SPAG1: variants seen among roughly 807,000 people sequenced by gnomAD.
SPAG1 encodes sperm-associated antigen 1.
SPAG1 carries 69 observed loss-of-function variants against 100.5 expected under a neutral mutation model. The observed-to-expected ratio is 0.69, with a 90% CI of 0.57 to 0.84. SPAG1 has a LOEUF of 0.84. SPAG1 is among the 40% of genes least tolerant of loss of function. The pLI is 0.00. For synonymous variants in SPAG1, 336 were observed against 411.6 expected (o/e 0.82, Z 2.22); for missense variants, 955 against 1,133.1 (o/e 0.84, Z 2.26).
At chr8:100,213,068 T>C in intron 10 of SPAG1, 22 bp from the exon 11 acceptor site, 2 of 1,430,944 alleles carry the variant, frequency 1.4e-6, no homozygotes, top group Admixed American at 2.9e-5. Context: ...AACCCTCACT[T>C]CCCGCATCCA....
At chr8:100,174,609 G>A (rs1305570325) in intron 3 of SPAG1, among the ~76,000 whole-genome samples, 3 of 152,166 alleles carry the variant, frequency 2.0e-5, no homozygotes, top group East Asian at 1.9e-4. Context: ...TTTAGTCCCC[G>A]TATCACAGAG....
At chr8:100,173,353 C>T (rs970887576) in intron 3 of SPAG1, among the ~76,000 whole-genome samples, 16 of 151,892 alleles carry the variant, frequency 1.1e-4, no homozygotes, top group African/African-American at 3.9e-4. Context: ...TTTCTCGCTC[C>T]CTTCCTCCTC....
At chr8:100,190,651 T>C (rs571259926) in intron 8 of SPAG1, among the ~76,000 whole-genome samples, 1 of 147,276 alleles carries the variant, frequency 6.8e-6, no homozygotes, top group Admixed American at 7.2e-5. Context: ...GTCAGTAATA[T>C]ACTTTTTTTT....
intron 10 of SPAG1, among the ~76,000 whole-genome samples, chr8:100,199,780 T>C (rs1817189050): frequency 6.6e-6 from 1 of 152,130 alleles, no homozygotes; most frequent in Non-Finnish European, 1.5e-5. Context: ...TATTTATCTT[T>C]TTACTGTTGA....
chr8:100,203,486 C>T (rs954608925), intron 10 of SPAG1, among the ~76,000 whole-genome samples: 5 of 152,056 alleles, frequency 3.3e-5, no homozygotes, highest in Admixed American at 6.6e-5. Context: ...TATGATTAGA[C>T]CCAAAAATGC....
chr8:100,224,178 A>C (rs1563808860), intron 13 of SPAG1, among the ~76,000 whole-genome samples: 1 of 152,182 alleles, frequency 6.6e-6, no homozygotes, highest in African/African-American at 2.4e-5. Context: ...TATGATGGCC[A>C]TCAGTAAATG....
At position 100,231,239 on chromosome 8, in the gene SPAG1, A is replaced by G. The variant is rs762936631; in HGVS notation, c.1939A>G (p.Ser647Gly). The G allele has an allele frequency of 1.2e-6, 2 of 1,605,974 alleles. No homozygotes were observed. Among genetic ancestry groups the G allele is most frequent in the Non-Finnish European group, 1.7e-6 (2 of 1,174,350 alleles). ...CTATAAAGACGCCCTCAGTAAATAC[A>G]GCGAATGCTTAAAGATTAACAATAA... ...KNYKDALSKYSECLKINNKEC... is the reference protein window; with the variant it reads ...KNYKDALSKYGECLKINNKEC... The change falls in exon 15 of 19, where the codon AGC (serine) becomes GGC (glycine). Residue 647 changes from serine (S) to glycine (G), a missense_variant. Physicochemically the swap from Ser to Gly is moderately conservative, Grantham distance 56. Transcript: ENST00000388798.
At chr8:100,232,493 A>G (rs904580731) in intron 15 of SPAG1, among the ~76,000 whole-genome samples, 1 of 152,054 alleles carries the variant, frequency 6.6e-6, no homozygotes, top group African/African-American at 2.4e-5. Flanking sequence ...TCAGGGCTGG[A>G]TATCATCCCC....
chr8:100,167,819 CAG>C (rs1815633279), intron 3 of SPAG1, among the ~76,000 whole-genome samples: 1 of 152,206 alleles, frequency 6.6e-6, no homozygotes, highest in African/African-American at 2.4e-5. Context: ...CATTTGTGGT[CAG>C]TGTAGACCCC....
At chr8:100,164,585 C>T (rs887509187) in intron 2 of SPAG1, among the ~76,000 whole-genome samples, 29 of 152,124 alleles carry the variant, frequency 1.9e-4, no homozygotes, top group African/African-American at 1.7e-4. Context: ...CCACCACGCC[C>T]GGCTAATTTT....
chr8:100,210,418 T>A (rs2132341343), intron 10 of SPAG1, among the ~76,000 whole-genome samples: 1 of 152,330 alleles, frequency 6.6e-6, no homozygotes, highest in East Asian at 1.9e-4. Context: ...AGTATTTTGC[T>A]GAGGATTTTT....
At chr8:100,203,888 G>T (rs1421112172) in intron 10 of SPAG1, among the ~76,000 whole-genome samples, 1 of 152,202 alleles carries the variant, frequency 6.6e-6, no homozygotes, top group Non-Finnish European at 1.5e-5. Context: ...GCAACAAAAG[G>T]TGCGTGCACA....
Position 100,241,134 on chromosome 8 carries a change from T to C in SPAG1, c.*112T>C. 1 of 1,019,970 alleles carries C rather than the reference T, an allele frequency of 9.8e-7. No individual in the cohort carries two copies. The highest frequency in any genetic ancestry group is 2.9e-4 in the Middle Eastern group (1 of 3,394). The allele number at this position is 1,019,970 out of a possible 1,614,324, so 63.2% of individuals were successfully genotyped here. On this transcript the variant is annotated 3_prime_UTR_variant, in exon 19 of 19. Transcript: ENST00000388798. The surrounding 1 kb of genome is among the most constrained non-coding windows in gnomAD (Gnocchi z 5.1). ...AAACTTGGCCTAGAAAAGTTTGGTCTGCACTATAAAACATTTTACTTATTT... is the reference window on the plus strand; with the variant it reads ...AAACTTGGCCTAGAAAAGTTTGGTCCGCACTATAAAACATTTTACTTATTT...
intron 12 of SPAG1, among the ~76,000 whole-genome samples, chr8:100,217,281 A>T (rs561247450): frequency 1.3e-5 from 2 of 152,250 alleles, no homozygotes; most frequent in East Asian, 3.9e-4. Context: ...CAGGAGTCAA[A>T]CACTGAGAAA....
chr8:100,229,276 C>T (rs1456299390), intron 14 of SPAG1, among the ~76,000 whole-genome samples: 11 of 152,050 alleles, frequency 7.2e-5, no homozygotes, highest in Admixed American at 3.3e-4. Context: ...AAAAATTAGC[C>T]GGGCGTGGTG....
intron 13 of SPAG1, among the ~76,000 whole-genome samples, chr8:100,221,502 TA>T: frequency 6.6e-6 from 1 of 152,322 alleles, no homozygotes; most frequent in Non-Finnish European, 1.5e-5. Flanking sequence ...CCCATTTGCT[TA>T]AAGTGTAACT....
At chr8:100,226,523 C>T (rs1019880683) in intron 14 of SPAG1, among the ~76,000 whole-genome samples, 8 of 151,862 alleles carry the variant, frequency 5.3e-5, no homozygotes, top group African/African-American at 1.2e-4. Flanking sequence ...GGCAATATGG[C>T]GAAACCCTAT....
In SPAG1 at chr8:100,167,946, T is replaced by C. The variant is rs181319753; in HGVS notation, c.300+1973T>C. Among the ~76,000 whole-genome samples, 71 of 152,366 alleles carry C rather than the reference T, an allele frequency of 4.7e-4. 1 individual carries two copies. The highest frequency in any genetic ancestry group is 4.1e-3 in the Admixed American group (63 of 15,308). ...ATTCCTGTGTGTCTTCTTTCACTTA[T>C]ATAATGCTTTTGAGATTCATCTGTG... On this transcript the variant is annotated intron_variant, in intron 3 of 18. Transcript: ENST00000388798.
chr8:100,186,060 CTT>C (rs71274962), intron 7 of SPAG1, among the ~76,000 whole-genome samples: 3 of 89,982 alleles, frequency 3.3e-5, no homozygotes, highest in Admixed American at 1.5e-4. Flanking sequence ...TGGGCAGATT[CTT>C]TTTTTTTTTT....
Sources: gnomAD v4.1 joint callset for allele counts (sites outside exome capture counted in the v4.1 genomes callset) on GRCh38, gnomAD v4.1.1 for gene constraint, Gnocchi (gnomAD v3.1) non-coding constraint, MANE v1.5 for transcripts, NCBI Gene and HGNC (gene_info 2026-07-23, HGNC 2026-07-21) for gene names.